The following F8 variants were observed in gnomAD, a reference collection of about 807,000 sequenced individuals.
The protein encoded by F8 is antihemophilic factor.
Under a neutral mutation model 140.6 loss-of-function variants are expected in F8, and 12 were observed. The ratio of observed to expected loss-of-function variants is 0.09; its 90% CI spans 0.05 to 0.14. F8 has a LOEUF of 0.14. F8 is among the 10% of genes least tolerant of loss of function. F8 has a pLI of 1.00. For synonymous variants in F8, 585 were observed against 614.6 expected (o/e 0.95, Z 0.71); for missense variants, 1,354 against 1,720.7 (o/e 0.79, Z 3.77).
At chrX:154,960,001 T>C (rs782576733) in intron 10 of F8, among the ~76,000 whole-genome samples, 1 of 112,152 alleles carries the variant, frequency 8.9e-6, no homozygotes, top group South Asian at 3.7e-4. Context: ...AGTAAAGGAA[T>C]GGCTAGCAGC....
chrX:154,926,442 C>T (rs2073160711), intron 14 of F8, among the ~76,000 whole-genome samples: 2 of 112,019 alleles, frequency 1.8e-5, no homozygotes, highest in Admixed American at 1.9e-4. Context: ...GTGAGGCCAT[C>T]TCAGCTCACT....
intron 25 of F8, among the ~76,000 whole-genome samples, chrX:154,848,445 CT>C (rs2072588070): frequency 8.9e-6 from 1 of 112,898 alleles, no homozygotes; most frequent in African/African-American, 3.2e-5. Context: ...CAAGTTCGAG[CT>C]TCCTGGCCGC....
intron 25 of F8, among the ~76,000 whole-genome samples, chrX:154,841,547 A>G (rs1013262047): frequency 1.8e-5 from 2 of 110,935 alleles, no homozygotes; most frequent in Non-Finnish European, 3.8e-5. Context: ...TTTTGTTTTC[A>G]GCAAGCTTGA....
At chrX:155,017,162 G>A (rs1643538502) in intron 1 of F8, among the ~76,000 whole-genome samples, 1 of 112,853 alleles carries the variant, frequency 8.9e-6, no homozygotes, top group Non-Finnish European at 1.9e-5. Context: ...ATGCACCATT[G>A]CTGGTAGAGG....
intron 6 of F8, among the ~76,000 whole-genome samples, chrX:154,971,990 G>T (rs782798221): frequency 1.8e-5 from 2 of 112,286 alleles, no homozygotes; most frequent in East Asian, 5.5e-4. Context: ...TAAACATGGG[G>T]ATGCAGATGT....
At chrX:154,864,027 A>T (rs782131992) in intron 22 of F8, among the ~76,000 whole-genome samples, 69 of 111,855 alleles carry the variant, frequency 6.2e-4, no homozygotes, top group Non-Finnish European at 1.2e-3. Flanking sequence ...CCTACTTAGG[A>T]AACAGGTGGG....
chrX:154,911,178 G>C (rs1480690775), intron 14 of F8, among the ~76,000 whole-genome samples: 1 of 108,344 alleles, frequency 9.2e-6, no homozygotes, highest in African/African-American at 3.4e-5. Flanking sequence ...TATGCTGAGC[G>C]CCGGTCCCCT....
chrX:154,876,409 G>A (rs1016611173), intron 22 of F8, among the ~76,000 whole-genome samples: 3 of 111,354 alleles, frequency 2.7e-5, no homozygotes, highest in Non-Finnish European at 5.7e-5. Context: ...ATAAGCCACC[G>A]TGCCCGGCTG....
At chrX:154,913,426 T>C (rs2073078460) in intron 14 of F8, among the ~76,000 whole-genome samples, 1 of 111,085 alleles carries the variant, frequency 9.0e-6, no homozygotes, top group African/African-American at 3.3e-5. Flanking sequence ...TTTCCAACAG[T>C]CCCCCAAAGT....
intron 14 of F8, among the ~76,000 whole-genome samples, chrX:154,917,311 C>T (rs1044829333): frequency 2.4e-4 from 27 of 111,377 alleles, no homozygotes; most frequent in Admixed American, 4.7e-4. Flanking sequence ...AGTATATTCC[C>T]GGATGAACTG....
chrX:155,017,458 A>C (rs2073739744), intron 1 of F8, among the ~76,000 whole-genome samples: 1 of 112,583 alleles, frequency 8.9e-6, no homozygotes, highest in Non-Finnish European at 1.9e-5. Flanking sequence ...CAAATACTAC[A>C]AACTAACTTG....
chrX:154,986,161 T>TCATG (rs1394725703), intron 5 of F8, among the ~76,000 whole-genome samples: 1 of 112,405 alleles, frequency 8.9e-6, no homozygotes, highest in Non-Finnish European at 1.9e-5. Context: ...TGCAGAGGTC[T>TCATG]CATGCAAGAA....
chrX:155,007,692 T>A (rs1030750493), intron 1 of F8, among the ~76,000 whole-genome samples: 2 of 112,551 alleles, frequency 1.8e-5, no homozygotes, highest in African/African-American at 6.5e-5. Context: ...GTGAACTGCA[T>A]ATGCAAGGGA....
In F8 at chrX:155,022,574, A is replaced by T. The variant is rs1557287628; in HGVS notation, c.-22T>A. On this transcript the variant is annotated 5_prime_UTR_variant, in exon 1 of 26. Transcript: ENST00000360256. ...GCATGACTTATTGCTACAAATGTTCAACTGGAGAAGCAAAAGGTTAATTCT... is the reference window on the plus strand; with the variant it reads ...GCATGACTTATTGCTACAAATGTTCTACTGGAGAAGCAAAAGGTTAATTCT... 1 of 1,212,099 alleles carries T rather than the reference A, an allele frequency of 8.3e-7. No individual in the cohort carries two copies. The highest frequency in any genetic ancestry group is 3.0e-5 in the East Asian group (1 of 33,876).
intron 23 of F8, among the ~76,000 whole-genome samples, chrX:154,862,130 G>A (rs930542589): frequency 7.2e-5 from 8 of 111,125 alleles, no homozygotes; most frequent in Non-Finnish European, 1.3e-4. Flanking sequence ...GAGTTCAAGC[G>A]ATTCTCTTGC....
intron 22 of F8, among the ~76,000 whole-genome samples, chrX:154,892,982 G>C (rs2072954744): frequency 8.9e-6 from 1 of 111,831 alleles, no homozygotes; most frequent in Admixed American, 9.4e-5. Flanking sequence ...TATTCTCTCT[G>C]AAGCCTGCTA....
In F8 at chrX:154,944,650, C is replaced by A. The variant is rs1281008597; in HGVS notation, c.2113+3048G>T. Among the ~76,000 whole-genome samples, 12 of 110,955 alleles carry A rather than the reference C, an allele frequency of 1.1e-4. No homozygotes were observed. In the Admixed American group the frequency reaches 1.1e-3, roughly 11 times the overall value. On this transcript the variant is annotated intron_variant, in intron 13 of 25. Transcript: ENST00000360256. ...ATCTAGAACTAGAAATACCATTTGA[C>A]CCAGCCATCCCATTACTGGGTATAT...
At position 154,985,894 on chromosome X, in the gene F8, C is replaced by G. The variant is rs782324221; in HGVS notation, c.671-1091G>C. On this transcript the variant is annotated intron_variant, in intron 5 of 25. Coordinates refer to ENST00000360256, the MANE Select transcript of F8 (RefSeq NM_000132.4). ...GGAGCAGAGAGGAGAAGAAATTTCA[C>G]TTTGCTTGAAGGGAAAAAGATATGA... 8.9e-5 allele frequency among the ~76,000 whole-genome samples: 10 copies of G among 112,047 alleles called. No individual in the cohort carries two copies. The Admixed American group carries it at 9.4e-4, about 11-fold the overall frequency.
chrX:154,949,741 C>T (rs1042905051), intron 12 of F8, among the ~76,000 whole-genome samples: 12 of 108,792 alleles, frequency 1.1e-4, no homozygotes, highest in Non-Finnish European at 3.8e-5. Context: ...GAATATGCAT[C>T]CCTGGTGTCT....
Sources: gnomAD v4.1 joint callset for allele counts (sites outside exome capture counted in the v4.1 genomes callset) on GRCh38, gnomAD v4.1.1 for gene constraint, MANE v1.5 for transcripts, NCBI Gene and HGNC (gene_info 2026-07-23, HGNC 2026-07-21) for gene names.